The following TNFRSF11A variants were observed in gnomAD, a reference collection of about 807,000 sequenced individuals.
The protein encoded by TNFRSF11A is TNF receptor superfamily member 11a, also known as tumor necrosis factor receptor superfamily member 11A.
In TNFRSF11A, 32 loss-of-function variants were observed where a neutral mutation model predicts 55.7. That is an observed-to-expected ratio of 0.57 (90% CI 0.43 to 0.77). The LOEUF (loss-of-function observed/expected upper bound fraction) is 0.77. TNFRSF11A is among the 30% of genes least tolerant of loss of function. The probability of loss-of-function intolerance (pLI) is 0.00; values close to 1 mark genes in which losing one functional copy is unlikely to be tolerated. For missense variants in TNFRSF11A, 753 were observed against 809.8 expected (o/e 0.93, Z 0.85); for synonymous variants, 311 against 331.0 (o/e 0.94, Z 0.65).
chr18:62,334,402 T>C, intron 1 of TNFRSF11A, among the ~76,000 whole-genome samples: 1 of 152,060 alleles, frequency 6.6e-6, no homozygotes, highest in Non-Finnish European at 1.5e-5. Context: ...TAGCCCTGGG[T>C]GTACCGCCTC....
At chr18:62,329,395 C>G (rs1369281771) in intron 1 of TNFRSF11A, among the ~76,000 whole-genome samples, 1 of 152,220 alleles carries the variant, frequency 6.6e-6, no homozygotes, top group Non-Finnish European at 1.5e-5. Flanking sequence ...GACTCCAGCT[C>G]AGTGCACCCC....
chr18:62,332,566 C>G lies in TNFRSF11A; in HGVS notation c.75+7139C>G, dbSNP rs575749857. Among the ~76,000 whole-genome samples the G allele has an allele frequency of 1.1e-4, 16 of 152,314 alleles. No homozygotes were observed. The South Asian group carries it at 2.9e-3, about 28-fold the overall frequency. On this transcript the variant is annotated intron_variant, in intron 1 of 9. Coordinates refer to ENST00000586569, the MANE Select transcript of TNFRSF11A (RefSeq NM_003839.4). ...TAACAGACCTAAATCTAACATGTCA[C>G]AATTTGACCCCATTTCCTCAAATTT...
At chr18:62,358,461 G>T (rs567550378) in intron 5 of TNFRSF11A, 120 bp downstream of exon 5, 2 of 936,218 alleles carry the variant, frequency 2.1e-6, no homozygotes, top group Admixed American at 3.6e-5. Flanking sequence ...TTGAAGCCAC[G>T]TTCAAAATGG....
chr18:62,334,493 G>C (rs2046201519), intron 1 of TNFRSF11A, among the ~76,000 whole-genome samples: 1 of 152,300 alleles, frequency 6.6e-6, no homozygotes, highest in Admixed American at 6.5e-5. Context: ...GAGGGAGAAG[G>C]ATGGCCTTGG....
At position 62,387,892 on chromosome 18, in the gene TNFRSF11A, G is replaced by T. The variant is rs1419915769; in HGVS notation, c.*2858G>T. 1 of 152,262 alleles carries T rather than the reference G, an allele frequency of 6.6e-6. No homozygotes were observed. Among genetic ancestry groups the T allele is most frequent in the Non-Finnish European group, 1.5e-5 (1 of 68,098 alleles). The allele number at this position is 152,262 out of a possible 1,614,324, so 9.4% of individuals were successfully genotyped here. A position where few individuals can be genotyped will look rare whatever the true frequency, so the allele number is the denominator to read the frequency against. ...GTGCTTTGGGAGGCCAAGGCAGGAGGATCACTTGAGGACAGTAGTTAGAGA... is the reference window on the plus strand; with the variant it reads ...GTGCTTTGGGAGGCCAAGGCAGGAGTATCACTTGAGGACAGTAGTTAGAGA... On this transcript the variant is annotated 3_prime_UTR_variant, in exon 10 of 10. Transcript: ENST00000586569.
chr18:62,365,251 C>A (rs182633317), intron 7 of TNFRSF11A, among the ~76,000 whole-genome samples: 1 of 152,130 alleles, frequency 6.6e-6, no homozygotes, highest in Non-Finnish European at 1.5e-5. Context: ...TGTGAGCCAC[C>A]GGGTCCAGCC....
chr18:62,332,851 C>G (rs1600348053), intron 1 of TNFRSF11A, among the ~76,000 whole-genome samples: 1 of 152,370 alleles, frequency 6.6e-6, no homozygotes, highest in African/African-American at 2.4e-5. Context: ...GTTGCTGCCT[C>G]TGACTTCAGA....
chr18:62,333,136 G>A (rs185393488), intron 1 of TNFRSF11A, among the ~76,000 whole-genome samples: 250 of 152,262 alleles, frequency 1.6e-3, no homozygotes, highest in Admixed American at 4.9e-3. Flanking sequence ...GACAGGTACC[G>A]GGGAAGGATA....
intron 4 of TNFRSF11A, chr18:62,357,952 A>G: frequency 2.6e-6 from 1 of 388,940 alleles, no homozygotes; most frequent in Non-Finnish European, 4.9e-6. Context: ...GGTCATGACC[A>G]GAGCTAGCCT....
chr18:62,349,962 AG>A, intron 3 of TNFRSF11A, 25 bp downstream of exon 3: 1 of 1,613,344 alleles, frequency 6.2e-7, no homozygotes, highest in South Asian at 1.1e-5. Flanking sequence ...TCAGTGTGTC[AG>A]TGGGAAGTGT....
chr18:62,336,516 C>T (rs1343928226), intron 1 of TNFRSF11A: 1 of 152,214 alleles, frequency 6.6e-6, no homozygotes, highest in Non-Finnish European at 1.5e-5. Flanking sequence ...CAGAAGTGAC[C>T]ACAGGGCTTG....
rs371734407 is a variant in TNFRSF11A, at chr18:62,342,401, C to CAAAAAAAAAAAA, written c.76-5754_76-5743dup. Among the ~76,000 whole-genome samples the CAAAAAAAAAAAA allele has an allele frequency of 1.1e-3, 68 of 62,210 alleles. 4 individuals are homozygous for CAAAAAAAAAAAA. The highest frequency in any genetic ancestry group is 2.1e-3 in the African/African-American group (41 of 19,160). The allele number at this position is 62,210 out of a possible 152,430, so 40.8% of individuals were successfully genotyped here. A position where few individuals can be genotyped will look rare whatever the true frequency, so the allele number is the denominator to read the frequency against. ...TGGGTGACAGAGTGAGATTCTGTCT[C>CAAAAAAAAAAAA]AAAAAAAAAAAAAAAAAAAAAAAAT... On this transcript the variant is annotated intron_variant, in intron 1 of 9. Coordinates refer to ENST00000586569, the MANE Select transcript of TNFRSF11A (RefSeq NM_003839.4).
intron 1 of TNFRSF11A, among the ~76,000 whole-genome samples, chr18:62,326,605 C>T (rs1023583073): frequency 1.3e-5 from 2 of 152,182 alleles, no homozygotes; most frequent in African/African-American, 4.8e-5. Flanking sequence ...CCTGCCTGAC[C>T]ACGCAGTTGC....
At chr18:62,363,667 A>G (rs2063174090) in intron 7 of TNFRSF11A, among the ~76,000 whole-genome samples, 1 of 152,142 alleles carries the variant, frequency 6.6e-6, no homozygotes, top group Non-Finnish European at 1.5e-5. Context: ...GCACCCAGCC[A>G]AGTGGTGACC....
At chr18:62,375,272 C>T (rs1452018911) in intron 9 of TNFRSF11A, among the ~76,000 whole-genome samples, 1 of 151,930 alleles carries the variant, frequency 6.6e-6, no homozygotes, top group African/African-American at 2.4e-5. Context: ...CGCCACTGCA[C>T]TCCAGCCTGA....
chr18:62,366,051 C>T (rs1325644807), intron 7 of TNFRSF11A, among the ~76,000 whole-genome samples: 2 of 152,172 alleles, frequency 1.3e-5, no homozygotes, highest in Non-Finnish European at 2.9e-5. Context: ...CTCCTGACCT[C>T]AAGTGATCCA....
In TNFRSF11A at chr18:62,385,029, G is replaced by T; in HGVS notation, c.1846G>T (p.Ala616Ser). ...GGTGCAGGAGCAAGGCGGGGCCAAG[G>T]CTTGAGCGCCCCCCATGGCTGGGAG... ...RPVQEQGGAK[A>S] The change falls in exon 10 of 10, where the codon GCT (alanine) becomes TCT (serine). Residue 616 changes from alanine (A) to serine (S), a missense_variant. Physicochemically the swap from Ala to Ser is moderately conservative, Grantham distance 99. Transcript: ENST00000586569. The T allele has an allele frequency of 6.8e-7, 1 of 1,477,996 alleles. No individual in the cohort carries two copies. Among genetic ancestry groups the T allele is most frequent in the South Asian group, 1.3e-5 (1 of 76,356 alleles). The allele number at this position is 1,477,996 out of a possible 1,614,324, so 91.6% of individuals were successfully genotyped here.
At chr18:62,370,318 C>T (rs896210707) in intron 9 of TNFRSF11A, among the ~76,000 whole-genome samples, 4 of 152,122 alleles carry the variant, frequency 2.6e-5, no homozygotes, top group African/African-American at 9.7e-5. Context: ...GAGAATCTTC[C>T]GAAAGCTACA....
Position 62,366,891 on chromosome 18 carries a change from C to G in TNFRSF11A, c.783+131C>G, listed in dbSNP as rs530702080. 4.5e-4 allele frequency: 431 copies of G among 954,402 alleles called. 2 individuals are homozygous for G. The East Asian group carries it at 0.011, about 23-fold the overall frequency. The allele number at this position is 954,402 out of a possible 1,614,324, so 59.1% of individuals were successfully genotyped here. A position where few individuals can be genotyped will look rare whatever the true frequency, so the allele number is the denominator to read the frequency against. ...TGAGACGGAGTCTCGCTCTGTGCCT[C>G]AGGCTGGAGTGCAGGGGTGCAATCT... On this transcript the variant is annotated intron_variant, in intron 8 of 9. Coordinates refer to ENST00000586569, the MANE Select transcript of TNFRSF11A (RefSeq NM_003839.4).
Sources: allele counts gnomAD v4.1 joint callset (sites outside exome capture counted in the v4.1 genomes callset), GRCh38; gene constraint gnomAD v4.1.1; transcripts MANE v1.5; gene names NCBI Gene and HGNC (gene_info 2026-07-23, HGNC 2026-07-21).